AUTS2: variants seen among roughly 807,000 people sequenced by gnomAD.
AUTS2 encodes the protein activator of transcription and developmental regulator AUTS2.
AUTS2 carries 17 observed loss-of-function variants against 112.4 expected under a neutral mutation model. The observed-to-expected ratio is 0.15, with a 90% CI of 0.10 to 0.23. The LOEUF (loss-of-function observed/expected upper bound fraction) is 0.23. AUTS2 is among the 10% of genes least tolerant of loss of function. The pLI, the probability that AUTS2 is intolerant of heterozygous loss-of-function variation, is 1.00. For synonymous variants in AUTS2, 751 were observed against 702.7 expected (o/e 1.07, Z -1.09); for missense variants, 1,510 against 1,701.6 (o/e 0.89, Z 1.98).
At chr7:69,982,322 G>T (rs910872981) in intron 2 of AUTS2, among the ~76,000 whole-genome samples, 1 of 152,170 alleles carries the variant, frequency 6.6e-6, no homozygotes, top group Non-Finnish European at 1.5e-5. Context: ...GGGGACTGAA[G>T]CAGTGTTTAA....
intron 6 of AUTS2, among the ~76,000 whole-genome samples, chr7:70,750,016 C>T (rs1485859767): frequency 6.6e-6 from 1 of 152,192 alleles, no homozygotes; most frequent in African/African-American, 2.4e-5. Flanking sequence ...AATTAATCAC[C>T]CTCCTGCTCT....
At chr7:69,808,474 C>A (rs1186410334) in intron 1 of AUTS2, among the ~76,000 whole-genome samples, 1 of 152,002 alleles carries the variant, frequency 6.6e-6, no homozygotes, top group Non-Finnish European at 1.5e-5. Context: ...GTTTAGCATT[C>A]TAAATATTTG....
intron 5 of AUTS2, among the ~76,000 whole-genome samples, chr7:70,471,135 G>T (rs1445226117): frequency 6.6e-6 from 1 of 152,168 alleles, no homozygotes; most frequent in Non-Finnish European, 1.5e-5. Flanking sequence ...GTTGAAAGAA[G>T]GATTCTTGAA....
intron 6 of AUTS2, among the ~76,000 whole-genome samples, chr7:70,743,283 C>T (rs1389251140): frequency 6.6e-6 from 1 of 151,978 alleles, no homozygotes; most frequent in Non-Finnish European, 1.5e-5. Context: ...ACATGGCCAA[C>T]ACGATGAAAC....
intron 1 of AUTS2, among the ~76,000 whole-genome samples, chr7:69,672,560 T>C (rs1184309972): frequency 6.6e-6 from 1 of 152,226 alleles, no homozygotes; most frequent in East Asian, 1.9e-4. Flanking sequence ...CTCACCTAGA[T>C]AGCTCAAAGG....
chr7:69,809,745 G>A (rs774019888), intron 1 of AUTS2, among the ~76,000 whole-genome samples: 28 of 152,166 alleles, frequency 1.8e-4, no homozygotes, highest in Non-Finnish European at 3.8e-4. Context: ...TGACGGAGCT[G>A]ACATGCCCCA....
intron 2 of AUTS2, among the ~76,000 whole-genome samples, chr7:69,924,574 A>G (rs1795934029): frequency 6.9e-6 from 1 of 145,424 alleles, no homozygotes; most frequent in South Asian, 2.1e-4. Flanking sequence ...TTTTTGAGAC[A>G]GAGTTTTGCT....
chr7:70,123,300 T>G (rs550494950), intron 3 of AUTS2, among the ~76,000 whole-genome samples: 2 of 152,332 alleles, frequency 1.3e-5, no homozygotes, highest in Non-Finnish European at 2.9e-5. Flanking sequence ...AATTAACAAT[T>G]AATTTATTTT....
At chr7:70,246,112 GA>G (rs1377322910) in intron 4 of AUTS2, among the ~76,000 whole-genome samples, 1 of 151,980 alleles carries the variant, frequency 6.6e-6, no homozygotes, top group Non-Finnish European at 1.5e-5. Flanking sequence ...ATTCCTTTGT[GA>G]ATAATGTGTG....
intron 5 of AUTS2, among the ~76,000 whole-genome samples, chr7:70,485,644 C>A (rs1437098225): frequency 7.0e-6 from 1 of 142,722 alleles, no homozygotes; most frequent in African/African-American, 2.6e-5. Flanking sequence ...ATTTCTGAAC[C>A]CTTCAAAAAA....
intron 1 of AUTS2, among the ~76,000 whole-genome samples, chr7:69,801,751 AACAAAACAG>A (rs1194546994): frequency 6.6e-6 from 1 of 152,224 alleles, no homozygotes; most frequent in Non-Finnish European, 1.5e-5. Flanking sequence ...CACAACAGTG[AACAAAACAG>A]ACAACAATCT....
chr7:70,345,276 C>T (rs566894771), intron 4 of AUTS2, among the ~76,000 whole-genome samples: 3 of 152,152 alleles, frequency 2.0e-5, no homozygotes, highest in Admixed American at 6.5e-5. Context: ...CAGTTTTTCC[C>T]GCAAAGTGGC....
At chr7:70,693,853 C>G (rs781214393) in intron 5 of AUTS2, among the ~76,000 whole-genome samples, 1 of 152,110 alleles carries the variant, frequency 6.6e-6, no homozygotes, top group Non-Finnish European at 1.5e-5. Context: ...AGGAAGGCAG[C>G]CGGGGGGAGC....
At chr7:70,169,245 T>A (rs148031678) in intron 4 of AUTS2, among the ~76,000 whole-genome samples, 35 of 151,736 alleles carry the variant, frequency 2.3e-4, no homozygotes, top group African/African-American at 8.4e-4. Flanking sequence ...TATTAATATA[T>A]ATATATTTTT....
At chr7:69,844,132 T>TA (rs914289138) in intron 1 of AUTS2, among the ~76,000 whole-genome samples, 15 of 151,642 alleles carry the variant, frequency 9.9e-5, no homozygotes, top group African/African-American at 2.4e-4. Flanking sequence ...AATGTGTGAT[T>TA]AAAAAAAAAT....
chr7:69,655,520 C>T (rs929369530), intron 1 of AUTS2, among the ~76,000 whole-genome samples: 1 of 152,214 alleles, frequency 6.6e-6, no homozygotes, highest in Non-Finnish European at 1.5e-5. Flanking sequence ...ACCTACTGAA[C>T]CAGAAATTCT....
chr7:70,654,263 AG>A (rs1806654484), intron 5 of AUTS2, among the ~76,000 whole-genome samples: 1 of 152,236 alleles, frequency 6.6e-6, no homozygotes, highest in Admixed American at 6.5e-5. Context: ...AAACTTTTAC[AG>A]TAAAGGTCTA....
chr7:70,528,700 C>T (rs143671652), intron 5 of AUTS2, among the ~76,000 whole-genome samples: 301 of 151,884 alleles, frequency 2.0e-3, no homozygotes, highest in Non-Finnish European at 3.7e-3. Context: ...CACGTGAGCC[C>T]AGGAGATCGA....
chr7:69,876,359 T>TAC (rs1793768839), intron 1 of AUTS2, among the ~76,000 whole-genome samples: 1 of 103,024 alleles, frequency 9.7e-6, no homozygotes, highest in Admixed American at 1.1e-4. Flanking sequence ...AATATATATA[T>TAC]ATATATATAT....
Sources: gnomAD v4.1 joint callset for allele counts (sites outside exome capture counted in the v4.1 genomes callset) on GRCh38, gnomAD v4.1.1 for gene constraint, MANE v1.5 for transcripts, NCBI Gene and HGNC (gene_info 2026-07-23, HGNC 2026-07-21) for gene names.